SART1: variants seen among roughly 807,000 people sequenced by gnomAD.
The protein encoded by SART1 is U4/U6.U5 tri-snRNP-associated protein 1.
SART1 carries 28 observed loss-of-function variants against 105.0 expected under a neutral mutation model. The ratio of observed to expected loss-of-function variants is 0.27; its 90% CI spans 0.20 to 0.37. The LOEUF is 0.37. Among genes scored for constraint, SART1 ranks in the 10% least tolerant of loss-of-function variants. The pLI, the probability that SART1 is intolerant of heterozygous loss-of-function variation, is 1.00. For missense variants in SART1, 894 were observed against 1,106.5 expected, an observed-to-expected ratio of 0.81 and a Z score of 2.72; for synonymous variants, 472 against 462.9, an observed-to-expected ratio of 1.02 and a Z score of -0.25.
Position 65,979,201 on chromosome 11 carries a change from T to A in SART1, c.*171T>A. ...CTGGCCATCAAATGACACAAACAAC[T>A]AAACGATGGAAGAGAGAGCGAGCCC... On this transcript the variant is annotated 3_prime_UTR_variant, in exon 20 of 20. Coordinates refer to ENST00000312397, the MANE Select transcript of SART1 (RefSeq NM_005146.5). 3.6e-6 allele frequency: 3 copies of A among 823,810 alleles called. No individual in the cohort carries two copies. Among genetic ancestry groups the A allele is most frequent in the Non-Finnish European group, 5.9e-6 (3 of 511,202 alleles). 51.0% of individuals were successfully genotyped at this position (823,810 alleles called of 1,614,324 possible). A position where few individuals can be genotyped will look rare whatever the true frequency, so the allele number is the denominator to read the frequency against.
chr11:65,968,085 G>A (rs1416399472), intron 12 of SART1, among the ~76,000 whole-genome samples: 1 of 151,942 alleles, frequency 6.6e-6, no homozygotes, highest in Non-Finnish European at 1.5e-5. Context: ...GAGTAGCTGG[G>A]ATTACAGGCG....
At chr11:65,967,608 G>A in intron 11 of SART1, 22 bp downstream of exon 11, 1 of 1,607,842 alleles carries the variant, frequency 6.2e-7, no homozygotes, top group African/African-American at 1.3e-5. Context: ...GCCAGGGGGT[G>A]GGAGGGGCAG....
rs1454770676 is a variant in SART1, at chr11:65,967,504, A to G, written c.1347A>G (p.Glu449=). The G allele has an allele frequency of 8.1e-6, 13 of 1,613,030 alleles. No homozygotes were observed. The Admixed American group carries it at 2.2e-4, about 27-fold the overall frequency. Residue 449 remains glutamate (E), a synonymous_variant, in exon 11 of 20, where the codon GAA becomes GAG. Transcript: ENST00000312397. ...LRGRGRRRVS[E]VEEEKEPVPQ... is the part of the protein sequence containing the mutation. ...GACGGGGTCGCCGCCGAGTGTCCGAAGTGGAGGAGGAGAAGGAGCCTGTGC... is the reference window on the plus strand; with the variant it reads ...GACGGGGTCGCCGCCGAGTGTCCGAGGTGGAGGAGGAGAAGGAGCCTGTGC...
chr11:65,968,333 G>A (rs1855305222), intron 12 of SART1, among the ~76,000 whole-genome samples: 1 of 152,148 alleles, frequency 6.6e-6, no homozygotes, highest in African/African-American at 2.4e-5. Flanking sequence ...TCTCTTCTGT[G>A]CATGTTTGTT....
intron 12 of SART1, among the ~76,000 whole-genome samples, chr11:65,969,238 G>A (rs998550011): frequency 2.6e-5 from 4 of 152,212 alleles, no homozygotes; most frequent in Non-Finnish European, 5.9e-5. Flanking sequence ...AGGGAAAACA[G>A]CCAAGACAGT....
Position 65,978,028 on chromosome 11 carries a change from T to C in SART1, c.2172+129T>C. ...CACCAGCCTCTGGCTGGGGGCCTGG[T>C]GAATGCCACGGATGGGGAGGGGGCC... On this transcript the variant is annotated intron_variant, in intron 17 of 19. Transcript: ENST00000312397. The surrounding 1 kb of genome is among the most constrained non-coding windows in gnomAD (Gnocchi z 6.8). 1 of 1,018,520 alleles carries C rather than the reference T, an allele frequency of 9.8e-7. No homozygotes were observed. Among genetic ancestry groups the C allele is most frequent in the Non-Finnish European group, 1.4e-6 (1 of 703,582 alleles). 63.1% of individuals were successfully genotyped at this position (1,018,520 alleles called of 1,614,324 possible).
Position 65,976,785 on chromosome 11 carries a change from G to A in SART1, c.1857+19G>A, listed in dbSNP as rs373499762. The A allele has an allele frequency of 6.3e-7, 1 of 1,580,062 alleles. No homozygotes were observed. The highest frequency in any genetic ancestry group is 8.6e-7 in the Non-Finnish European group (1 of 1,160,974). On this transcript the variant is annotated intron_variant, in intron 14 of 19. Coordinates refer to ENST00000312397, the MANE Select transcript of SART1 (RefSeq NM_005146.5). The surrounding 1 kb of genome is among the most constrained non-coding windows in gnomAD (Gnocchi z 5.1). ...GCAGGATGTGAGGGCCGCGCCGCTG[G>A]GGGGTGGGCGTTTGGGGGTGCTCAA... is the stretch of plus-strand genomic sequence containing the variant.
intron 12 of SART1, among the ~76,000 whole-genome samples, chr11:65,970,644 G>A (rs1262560339): frequency 6.6e-6 from 1 of 151,756 alleles, no homozygotes; most frequent in Non-Finnish European, 1.5e-5. Context: ...TGAAGAGGTG[G>A]CAGAGGTGGT....
chr11:65,976,650 C>T lies in SART1; in HGVS notation c.1747-6C>T. The T allele has an allele frequency of 6.2e-7, 1 of 1,613,416 alleles. No homozygotes were observed. On this transcript the variant is annotated splice_polypyrimidine_tract_variant and splice_region_variant and intron_variant, in intron 13 of 19. Coordinates refer to ENST00000312397, the MANE Select transcript of SART1 (RefSeq NM_005146.5). The surrounding 1 kb of genome is among the most constrained non-coding windows in gnomAD (Gnocchi z 5.1). Reference sequence around the variant, plus strand: ...CCTGGGCCGACCCTGGTCTTTTGTGCCCCAGGACTTTGAACGGGATGAGGA... The same window carrying T: ...CCTGGGCCGACCCTGGTCTTTTGTGTCCCAGGACTTTGAACGGGATGAGGA...
At chr11:65,975,459 T>C (rs1300048843) in intron 12 of SART1, among the ~76,000 whole-genome samples, 1 of 147,622 alleles carries the variant, frequency 6.8e-6, no homozygotes, top group African/African-American at 2.5e-5. Context: ...TTGCCCACTC[T>C]TTTGAGTGCA....
At chr11:65,964,763 G>T (rs1216327462) in intron 3 of SART1, among the ~76,000 whole-genome samples, 193 bp downstream of exon 3, 1 of 152,260 alleles carries the variant, frequency 6.6e-6, no homozygotes, top group East Asian at 1.9e-4. Context: ...AGTTGGAGCT[G>T]TGGCCGTCGC....
rs1855262836 is a variant in SART1 at position 65,966,535 on chromosome 11, A to G, written c.1167A>G (p.Glu389=). 2 of 1,556,120 alleles carry G rather than the reference A, an allele frequency of 1.3e-6. No homozygotes were observed. Among genetic ancestry groups the G allele is most frequent in the Non-Finnish European group, 1.7e-6 (2 of 1,152,660 alleles). Residue 389 remains glutamate (E), a synonymous_variant, in exon 9 of 20, where the codon GAA becomes GAG. Coordinates refer to ENST00000312397, the MANE Select transcript of SART1 (RefSeq NM_005146.5). ...CAGTGGGGCCCCGGCTGGCCTCCGA[A>G]TACCTCACGCCTGAGGAGATGGTGA... ...LSTVGPRLAS[E]YLTPEEMVTF...
At chr11:65,965,288 T>C in intron 4 of SART1, 54 bp from the exon 5 acceptor site, 1 of 1,603,670 alleles carries the variant, frequency 6.2e-7, no homozygotes, top group African/African-American at 1.3e-5. Flanking sequence ...GCCTCTTGAG[T>C]GGGGTGGGGA....
chr11:65,964,819 A>T (rs1855214231), intron 3 of SART1, among the ~76,000 whole-genome samples: 1 of 152,178 alleles, frequency 6.6e-6, no homozygotes, highest in Non-Finnish European at 1.5e-5. Context: ...GAAGATGTGC[A>T]CACTTGCTGC....
Position 65,976,253 on chromosome 11 carries a change from A to G in SART1, c.1573-142A>G. 1 of 749,084 alleles carries G rather than the reference A, an allele frequency of 1.3e-6. No individual in the cohort carries two copies. Among genetic ancestry groups the G allele is most frequent in the South Asian group, 2.0e-5 (1 of 50,454 alleles). 46.4% of individuals were successfully genotyped at this position (749,084 alleles called of 1,614,324 possible). On this transcript the variant is annotated intron_variant, in intron 12 of 19. Transcript: ENST00000312397. This position sits in a 1 kb window ranked among gnomAD's most constrained non-coding sequence, Gnocchi z 5.1. ...AGTGAAAGAGGTGCAGAGTGGAGTT[A>G]GGCGGCAGATAGCAGCTGGGCCTGC...
intron 12 of SART1, among the ~76,000 whole-genome samples, chr11:65,970,389 AG>A (rs1210226105): frequency 6.6e-6 from 1 of 152,192 alleles, no homozygotes; most frequent in African/African-American, 2.4e-5. Context: ...CCACCCGCAA[AG>A]GAGCCTTTTC....
intron 1 of SART1, among the ~76,000 whole-genome samples, chr11:65,963,658 T>A (rs2134901698): frequency 6.6e-6 from 1 of 152,246 alleles, no homozygotes; most frequent in South Asian, 2.1e-4. Context: ...ATTTTTATAT[T>A]TTTAGTAGAG....
chr11:65,978,232 G>A lies in SART1; in HGVS notation c.2172+333G>A, dbSNP rs1420919029. 4.0e-6 allele frequency: 2 copies of A among 494,472 alleles called. No individual in the cohort carries two copies. The highest frequency in any genetic ancestry group is 7.3e-6 in the Non-Finnish European group (2 of 272,784). The allele number at this position is 494,472 out of a possible 1,614,324, so 30.6% of individuals were successfully genotyped here. The stretch of plus-strand genomic sequence containing the variant: ...CCATTCCAGCGTCCAGGCCCTTCCA[G>A]CACTCTCGTAGGCCGCCCGACCGTC... On this transcript the variant is annotated intron_variant, in intron 17 of 19. Transcript: ENST00000312397. This position sits in a 1 kb window ranked among gnomAD's most constrained non-coding sequence, Gnocchi z 6.8.
intron 3 of SART1, 187 bp from the exon 4 acceptor site, chr11:65,964,905 G>A: frequency 1.4e-6 from 1 of 717,006 alleles, no homozygotes; most frequent in Non-Finnish European, 2.2e-6. Flanking sequence ...GCCACAGAGG[G>A]TCCTGTTGTG....
Sources: allele counts gnomAD v4.1 joint callset (sites outside exome capture counted in the v4.1 genomes callset), GRCh38; gene constraint gnomAD v4.1.1; non-coding constraint Gnocchi (gnomAD v3.1); transcripts MANE v1.5; gene names NCBI Gene and HGNC (gene_info 2026-07-23, HGNC 2026-07-21).